ADAMTS6: variants seen among roughly 807,000 people sequenced by gnomAD.
ADAMTS6 encodes ADAM metallopeptidase with thrombospondin type 1 motif 6, also known as A disintegrin and metalloproteinase with thrombospondin motifs 6.
In ADAMTS6, 23 loss-of-function variants were observed where a neutral mutation model predicts 144.3. That is an observed-to-expected ratio of 0.16 (90% CI 0.11 to 0.23). The LOEUF (loss-of-function observed/expected upper bound fraction) is 0.23. Among genes scored for constraint, ADAMTS6 ranks in the 10% least tolerant of loss-of-function variants. The pLI is 1.00. For synonymous variants in ADAMTS6, 444 were observed against 457.5 expected (o/e 0.97, Z 0.38); for missense variants, 999 against 1,379.6 (o/e 0.72, Z 4.37).
intron 7 of ADAMTS6, among the ~76,000 whole-genome samples, chr5:65,375,612 C>T (rs1274928695): frequency 2.0e-5 from 3 of 151,970 alleles, no homozygotes; most frequent in Non-Finnish European, 4.4e-5. Context: ...CAGAAAACAA[C>T]AGGGGCTGAA....
At chr5:65,255,035 AGGTAGACACCTGT>A (rs1448900053) in intron 14 of ADAMTS6, among the ~76,000 whole-genome samples, 1 of 152,180 alleles carries the variant, frequency 6.6e-6, no homozygotes, top group Non-Finnish European at 1.5e-5. Flanking sequence ...AATAGCTCTG[AGGTAGACACCTGT>A]GGCGTACCCA....
At chr5:65,357,137 A>C (rs559374438) in intron 7 of ADAMTS6, among the ~76,000 whole-genome samples, 14 of 151,880 alleles carry the variant, frequency 9.2e-5, no homozygotes, top group Non-Finnish European at 1.5e-4. Context: ...ATGGTATGAA[A>C]CTAGAAATAA....
At chr5:65,202,063 A>C (rs1307471748) in intron 20 of ADAMTS6, among the ~76,000 whole-genome samples, 2 of 152,190 alleles carry the variant, frequency 1.3e-5, no homozygotes, top group African/African-American at 4.8e-5. Context: ...GGCAGAGCAA[A>C]GCCCATCTGC....
intron 9 of ADAMTS6, among the ~76,000 whole-genome samples, chr5:65,310,482 G>A (rs991761246): frequency 6.6e-6 from 1 of 152,100 alleles, no homozygotes; most frequent in African/African-American, 2.4e-5. Flanking sequence ...CTGTGTTCAT[G>A]CCACTGCACT....
chr5:65,176,134 G>A (rs1753967930), intron 22 of ADAMTS6, among the ~76,000 whole-genome samples: 1 of 151,478 alleles, frequency 6.6e-6, no homozygotes, highest in Non-Finnish European at 1.5e-5. Flanking sequence ...AAAGGGGGGG[G>A]CAGAATTTAT....
Position 65,287,438 on chromosome 5 carries a change from CTTTA to C in ADAMTS6, c.1512+3887_1512+3890del, listed in dbSNP as rs201239674. On this transcript the variant is annotated intron_variant, in intron 11 of 24. Coordinates refer to ENST00000381055, the MANE Select transcript of ADAMTS6 (RefSeq NM_197941.4). ...AAAACAGAACTGACATCAATTAGGA[CTTTA>C]TTTATTTATTTATTTACTTTGGAGT... 4.6e-5 allele frequency among the ~76,000 whole-genome samples: 7 copies of C among 152,092 alleles called. No individual in the cohort carries two copies. In the East Asian group the frequency reaches 5.8e-4, roughly 13 times the overall value.
At chr5:65,429,394 G>T (rs531046779) in intron 7 of ADAMTS6, among the ~76,000 whole-genome samples, 2 of 151,960 alleles carry the variant, frequency 1.3e-5, no homozygotes, top group Admixed American at 6.6e-5. Flanking sequence ...ATTTCTGAAG[G>T]CTCCAGTGTC....
chr5:65,453,668 T>C (rs1758940243), intron 4 of ADAMTS6, among the ~76,000 whole-genome samples: 1 of 152,210 alleles, frequency 6.6e-6, no homozygotes, highest in African/African-American at 2.4e-5. Flanking sequence ...TTTAGCACTA[T>C]GGCATTTGTA....
intron 24 of ADAMTS6, among the ~76,000 whole-genome samples, chr5:65,152,302 TG>T: frequency 6.6e-6 from 1 of 152,328 alleles, no homozygotes; most frequent in African/African-American, 2.4e-5. Context: ...GCACTTTTAT[TG>T]CTTCTTTCTC....
At chr5:65,393,534 T>C (rs1283317494) in intron 7 of ADAMTS6, among the ~76,000 whole-genome samples, 1 of 152,190 alleles carries the variant, frequency 6.6e-6, no homozygotes, top group Non-Finnish European at 1.5e-5. Context: ...AACAGATCTC[T>C]ACAATTTTTG....
At chr5:65,272,924 G>A in intron 12 of ADAMTS6, among the ~76,000 whole-genome samples, 1 of 142,094 alleles carries the variant, frequency 7.0e-6, no homozygotes, top group Admixed American at 7.1e-5. Context: ...ATGAGACCCT[G>A]TCTCAAAAAA....
chr5:65,431,838 A>G (rs1368596514), intron 7 of ADAMTS6, among the ~76,000 whole-genome samples: 2 of 152,082 alleles, frequency 1.3e-5, no homozygotes, highest in East Asian at 3.9e-4. Context: ...ATATACAAAT[A>G]GAGAATTTAG....
chr5:65,452,400 A>C (rs1210371274), intron 5 of ADAMTS6, among the ~76,000 whole-genome samples, 184 bp from the exon 6 acceptor site: 2 of 151,914 alleles, frequency 1.3e-5, no homozygotes, highest in African/African-American at 4.8e-5. Flanking sequence ...TACCTCAATA[A>C]ATATTTCCTC....
intron 15 of ADAMTS6, among the ~76,000 whole-genome samples, chr5:65,240,968 T>C (rs574741882): frequency 6.6e-6 from 1 of 152,206 alleles, no homozygotes; most frequent in East Asian, 1.9e-4. Flanking sequence ...AAACAAATAA[T>C]TGAACTGTGG....
chr5:65,385,761 A>G (rs1752423660), intron 7 of ADAMTS6, among the ~76,000 whole-genome samples: 1 of 152,172 alleles, frequency 6.6e-6, no homozygotes, highest in Non-Finnish European at 1.5e-5. Context: ...TTTTATAAAG[A>G]AAGGGGCAAA....
chr5:65,174,805 T>C (rs1753866352), intron 22 of ADAMTS6, among the ~76,000 whole-genome samples: 2 of 152,178 alleles, frequency 1.3e-5, no homozygotes, highest in African/African-American at 4.8e-5. Flanking sequence ...CTTTGTTTTG[T>C]GGTGTGAGCA....
At chr5:65,332,179 T>C (rs1746791946) in intron 8 of ADAMTS6, among the ~76,000 whole-genome samples, 1 of 151,246 alleles carries the variant, frequency 6.6e-6, no homozygotes, top group Admixed American at 6.6e-5. Flanking sequence ...CTTACCAATG[T>C]CATTAGGTTG....
At chr5:65,194,781 C>T (rs761917336) in intron 21 of ADAMTS6, among the ~76,000 whole-genome samples, 1 of 152,132 alleles carries the variant, frequency 6.6e-6, no homozygotes, top group Non-Finnish European at 1.5e-5. Context: ...GAATTCCATT[C>T]CCCATCTCCA....
chr5:65,407,339 CTTTT>C (rs879407843), intron 7 of ADAMTS6, among the ~76,000 whole-genome samples: 1 of 147,370 alleles, frequency 6.8e-6, no homozygotes, highest in South Asian at 2.1e-4. Context: ...ATTCAATGTT[CTTTT>C]TTTTTTTATT....
Sources: allele counts gnomAD v4.1 joint callset (sites outside exome capture counted in the v4.1 genomes callset), GRCh38; gene constraint gnomAD v4.1.1; transcripts MANE v1.5; gene names NCBI Gene and HGNC (gene_info 2026-07-23, HGNC 2026-07-21).